Variants in ZFAT observed in about 807,000 individuals in gnomAD.
ZFAT encodes zinc finger and AT-hook domain containing.
ZFAT carries 64 observed loss-of-function variants against 117.7 expected under a neutral mutation model. The ratio of observed to expected loss-of-function variants is 0.54; its 90% CI spans 0.44 to 0.67. The LOEUF (loss-of-function observed/expected upper bound fraction) is 0.67. Ranked by LOEUF, ZFAT falls within the 30% of genes least tolerant of loss-of-function variation. The pLI, the probability that ZFAT is intolerant of heterozygous loss-of-function variation, is 0.00. For missense variants in ZFAT, 1,433 were observed against 1,584.5 expected (o/e 0.90, Z 1.62); for synonymous variants, 679 against 615.0 (o/e 1.10, Z -1.54).
At chr8:134,758,071 C>T in the ZFAT span, among the ~76,000 whole-genome samples, 1 of 152,138 alleles carries the variant, frequency 6.6e-6, no homozygotes, top group East Asian at 1.9e-4. Flanking sequence ...CTCAAATGAA[C>T]TAAATCAAGA....
chr8:134,791,766 A>T, the ZFAT span, among the ~76,000 whole-genome samples: 1 of 152,224 alleles, frequency 6.6e-6, no homozygotes. Flanking sequence ...TGCCCAGCAA[A>T]AAAACTATGT....
At chr8:134,654,056 G>A (rs978016589) in intron 2 of ZFAT, among the ~76,000 whole-genome samples, 1 of 152,148 alleles carries the variant, frequency 6.6e-6, no homozygotes, top group South Asian at 2.1e-4. Flanking sequence ...CAGTACTTTG[G>A]GAGGCTGAGG....
intron 15 of ZFAT, among the ~76,000 whole-genome samples, chr8:134,496,227 T>G (rs1208562963): frequency 2.0e-5 from 3 of 152,224 alleles, no homozygotes; most frequent in Non-Finnish European, 4.4e-5. Flanking sequence ...GATCTTCCCA[T>G]TATACAGATG....
In ZFAT at chr8:134,565,321, G is replaced by C; in HGVS notation, c.2976+12C>G. 6.2e-7 allele frequency: 1 copy of C among 1,612,710 alleles called. No homozygotes were observed. Among genetic ancestry groups the C allele is most frequent in the African/African-American group, 1.3e-5 (1 of 74,954 alleles). On this transcript the variant is annotated intron_variant, in intron 11 of 15. Transcript: ENST00000377838. The stretch of plus-strand genomic sequence containing the variant: ...GTCTGAACATCTGCCTTCTTCTCCA[G>C]AGCCCTCTTACCTTGAAGGAGACAT...
intron 10 of ZFAT, among the ~76,000 whole-genome samples, chr8:134,573,451 T>C (rs1475177568): frequency 6.6e-6 from 1 of 152,124 alleles, no homozygotes. Flanking sequence ...TTATGCAGGC[T>C]GATGTTGCTG....
chr8:134,640,665 T>C (rs1830529430), intron 2 of ZFAT, among the ~76,000 whole-genome samples: 1 of 152,018 alleles, frequency 6.6e-6, no homozygotes, highest in Non-Finnish European at 1.5e-5. Flanking sequence ...AAGGAAAAAA[T>C]AAAATCGGCC....
At chr8:134,611,538 T>C (rs1175276692) in intron 3 of ZFAT, among the ~76,000 whole-genome samples, 2 of 151,356 alleles carry the variant, frequency 1.3e-5, no homozygotes, top group Admixed American at 1.3e-4. Flanking sequence ...GAATCGGGGG[T>C]GAAACATCAA....
chr8:134,693,421 A>C (rs190684477), intron 1 of ZFAT, among the ~76,000 whole-genome samples: 1 of 152,100 alleles, frequency 6.6e-6, no homozygotes, highest in East Asian at 1.9e-4. Context: ...AGCATTCCTG[A>C]GTCTACACAA....
rs79980716 is a variant in ZFAT, at chr8:134,590,429, T to C, written c.2476-74A>G. The C allele has an allele frequency of 2.6e-3, 3,019 of 1,151,638 alleles. 46 individuals carry two copies. In the African/African-American group the frequency reaches 0.04, roughly 15 times the overall value. The allele number at this position is 1,151,638 out of a possible 1,614,324, so 71.3% of individuals were successfully genotyped here. On this transcript the variant is annotated intron_variant, in intron 7 of 15. Transcript: ENST00000377838. ...GGTCTGTAAAAAATAACCATCATCA[T>C]CACCATCATCACCCACCACCACCAC...
chr8:134,569,984 C>T (rs894425663), intron 10 of ZFAT, among the ~76,000 whole-genome samples: 2 of 152,214 alleles, frequency 1.3e-5, no homozygotes, highest in African/African-American at 4.8e-5. Context: ...GCCTCACCTC[C>T]ACCCAGAGCA....
At chr8:134,829,488 G>C in the ZFAT span, among the ~76,000 whole-genome samples, 56 of 152,326 alleles carry the variant, frequency 3.7e-4, no homozygotes, top group Admixed American at 2.2e-3. Context: ...TTGGTAAAGA[G>C]AGAACTCAAA....
chr8:134,800,233 G>A, the ZFAT span, among the ~76,000 whole-genome samples: 1 of 145,288 alleles, frequency 6.9e-6, no homozygotes, highest in African/African-American at 2.6e-5. Flanking sequence ...TTTAAATTGA[G>A]TAACAAATTT....
At chr8:134,718,679 C>G in the ZFAT span, among the ~76,000 whole-genome samples, 1 of 151,764 alleles carries the variant, frequency 6.6e-6, no homozygotes, top group Non-Finnish European at 1.5e-5. Context: ...ACAGCTGGGA[C>G]CCAATAAACC....
chr8:134,749,945 T>C, the ZFAT span, among the ~76,000 whole-genome samples: 1 of 152,240 alleles, frequency 6.6e-6, no homozygotes, highest in African/African-American at 2.4e-5. Context: ...GTAATGTATC[T>C]TGATATCTGA....
the ZFAT span, among the ~76,000 whole-genome samples, chr8:134,810,253 T>G: frequency 6.6e-6 from 1 of 152,146 alleles, no homozygotes; most frequent in Non-Finnish European, 1.5e-5. Flanking sequence ...TGGAGGAAAA[T>G]TGCTAACTTC....
chr8:134,653,270 T>TAAAAAAAA (rs374514584), intron 2 of ZFAT, among the ~76,000 whole-genome samples: 18 of 91,874 alleles, frequency 2.0e-4, no homozygotes, highest in East Asian at 7.4e-4. Flanking sequence ...ATGTCTTTTT[T>TAAAAAAAA]AAAAAAAAAA....
chr8:134,544,350 T>C (rs1312087883), intron 11 of ZFAT, among the ~76,000 whole-genome samples: 1 of 152,170 alleles, frequency 6.6e-6, no homozygotes, highest in African/African-American at 2.4e-5. Context: ...AAAGGGAAGA[T>C]TGCTTGCCTC....
the ZFAT span, among the ~76,000 whole-genome samples, chr8:134,730,330 G>A: frequency 0.34 from 51,892 of 152,086 alleles, 9,185 homozygotes; most frequent in South Asian, 0.44. Flanking sequence ...CATCTCCCAT[G>A]ACTCTCGCCT....
At chr8:134,718,762 G>C in the ZFAT span, among the ~76,000 whole-genome samples, 3 of 152,158 alleles carry the variant, frequency 2.0e-5, no homozygotes, top group Non-Finnish European at 2.9e-5. Flanking sequence ...GGAATAATAC[G>C]TAATTAAGCA....
Sources: gnomAD v4.1 joint callset for allele counts (sites outside exome capture counted in the v4.1 genomes callset) on GRCh38, gnomAD v4.1.1 for gene constraint, MANE v1.5 for transcripts, NCBI Gene and HGNC (gene_info 2026-07-23, HGNC 2026-07-21) for gene names.